Variants in RNGTT observed in about 807,000 individuals in gnomAD.
The protein encoded by RNGTT is RNA guanylyltransferase and 5'-phosphatase, also known as mRNA-capping enzyme.
RNGTT carries 33 observed loss-of-function variants against 79.3 expected under a neutral mutation model. The ratio of observed to expected loss-of-function variants is 0.42; its 90% CI spans 0.32 to 0.56. The LOEUF (loss-of-function observed/expected upper bound fraction) is 0.56. Ranked by LOEUF, RNGTT falls within the 20% of genes least tolerant of loss-of-function variation. The probability of loss-of-function intolerance (pLI) is 0.17; values close to 1 mark genes in which losing one functional copy is unlikely to be tolerated. For synonymous variants in RNGTT, 222 were observed against 235.9 expected (o/e 0.94, Z 0.54); for missense variants, 497 against 739.1 (o/e 0.67, Z 3.80).
At chr6:88,884,958 G>A (rs1396544289) in intron 8 of RNGTT, among the ~76,000 whole-genome samples, 1 of 152,018 alleles carries the variant, frequency 6.6e-6, no homozygotes, top group Non-Finnish European at 1.5e-5. Flanking sequence ...AGAGAGAGGA[G>A]TTACAAATAG....
At chr6:88,849,719 G>T (rs752744574) in intron 10 of RNGTT, 36 bp downstream of exon 10, 54 of 1,470,928 alleles carry the variant, frequency 3.7e-5, no homozygotes, top group Non-Finnish European at 4.8e-5. Context: ...CATTATTTCA[G>T]TAATAACTTG....
chr6:88,840,405 T>A (rs190190328), intron 11 of RNGTT, among the ~76,000 whole-genome samples: 155 of 152,304 alleles, frequency 1.0e-3, no homozygotes, highest in African/African-American at 3.7e-3. Context: ...TTTTATTATT[T>A]ATTTATTTCG....
chr6:88,750,205 A>C (rs1777795708), intron 13 of RNGTT, among the ~76,000 whole-genome samples: 1 of 152,110 alleles, frequency 6.6e-6, no homozygotes. Context: ...AACCCACTAC[A>C]CCAGGCAAAT....
intron 1 of RNGTT, among the ~76,000 whole-genome samples, chr6:88,952,997 C>T (rs544705804): frequency 4.6e-5 from 7 of 152,288 alleles, no homozygotes; most frequent in Admixed American, 2.6e-4. Context: ...GACCTTTCCA[C>T]TGAAACAGTC....
At chr6:88,955,216 G>A (rs752725608) in intron 1 of RNGTT, among the ~76,000 whole-genome samples, 12 of 151,906 alleles carry the variant, frequency 7.9e-5, no homozygotes, top group Non-Finnish European at 1.5e-4. Flanking sequence ...AAACCTCTGA[G>A]ACACAGCAAA....
At chr6:88,864,833 C>A (rs1395200848) in intron 8 of RNGTT, among the ~76,000 whole-genome samples, 3 of 152,104 alleles carry the variant, frequency 2.0e-5, no homozygotes, top group African/African-American at 4.8e-5. Context: ...TGAAATTAGC[C>A]AGTCACAACT....
At chr6:88,886,106 C>T (rs142158484) in intron 8 of RNGTT, among the ~76,000 whole-genome samples, 8 of 152,250 alleles carry the variant, frequency 5.3e-5, no homozygotes, top group African/African-American at 1.7e-4. Flanking sequence ...GAGATCGAGA[C>T]CATCCTGGCT....
intron 12 of RNGTT, among the ~76,000 whole-genome samples, chr6:88,794,813 G>A (rs1779539990): frequency 6.6e-6 from 1 of 152,210 alleles, no homozygotes; most frequent in Non-Finnish European, 1.5e-5. Context: ...CAAGAGAAAA[G>A]ATAGAAAAAG....
chr6:88,623,260 A>C (rs1294609075), intron 14 of RNGTT, among the ~76,000 whole-genome samples: 2 of 152,142 alleles, frequency 1.3e-5, no homozygotes, highest in African/African-American at 4.8e-5. Context: ...AATGGAAATA[A>C]TGTCTCTACA....
At chr6:88,725,864 G>A (rs933525304) in intron 13 of RNGTT, among the ~76,000 whole-genome samples, 5 of 152,050 alleles carry the variant, frequency 3.3e-5, no homozygotes, top group African/African-American at 1.2e-4. Context: ...GGCTGGCACA[G>A]GCAGGGAAAG....
At chr6:88,800,332 C>T (rs1407404497) in intron 12 of RNGTT, among the ~76,000 whole-genome samples, 2 of 152,120 alleles carry the variant, frequency 1.3e-5, no homozygotes, top group African/African-American at 4.8e-5. Context: ...TTCCTTTGAG[C>T]ATCATGCTGG....
At chr6:88,834,511 T>C (rs1338680840) in intron 11 of RNGTT, among the ~76,000 whole-genome samples, 1 of 152,214 alleles carries the variant, frequency 6.6e-6, no homozygotes, top group Non-Finnish European at 1.5e-5. Flanking sequence ...CAAAATGCAG[T>C]TGCACCATTA....
At chr6:88,870,357 A>G (rs1310024123) in intron 8 of RNGTT, among the ~76,000 whole-genome samples, 1 of 152,128 alleles carries the variant, frequency 6.6e-6, no homozygotes, top group Non-Finnish European at 1.5e-5. Context: ...TCATTAGGGC[A>G]CATATATAAA....
intron 14 of RNGTT, among the ~76,000 whole-genome samples, chr6:88,643,349 T>C (rs1773399367): frequency 1.3e-5 from 2 of 152,260 alleles, no homozygotes; most frequent in African/African-American, 2.4e-5. Context: ...TTCTACTGAA[T>C]GTATATTACT....
In RNGTT at chr6:88,853,660, C is replaced by T. The variant is rs781242185; in HGVS notation, c.1001G>A (p.Arg334His). The T allele has an allele frequency of 3.1e-5, 50 of 1,595,898 alleles. No homozygotes were observed. Among genetic ancestry groups the T allele is most frequent in the African/African-American group, 9.5e-5 (7 of 73,980 alleles). ...NLEFPFRKDL[R>H]MHLSNTLLDG... ...CAAGAGAGTATTTGATAAATGCATA[C>T]GAAGATCTTTACGAAATGGAAATTC... The change falls in exon 9 of 16, where the codon CGT becomes CAT. Residue 334 changes from arginine to histidine, a missense_variant. Arg to His is a conservative substitution (Grantham distance 29). Transcript: ENST00000369485.
chr6:88,767,678 CAAAAAAAAAAAAAA>C lies in RNGTT; in HGVS notation c.1439+2082_1439+2095del, dbSNP rs58712575. 2.5e-4 allele frequency among the ~76,000 whole-genome samples: 21 copies of C among 83,510 alleles called. No homozygotes were observed. In the East Asian group the frequency reaches 3.8e-3, roughly 15 times the overall value. 54.8% of individuals were successfully genotyped at this position (83,510 alleles called of 152,430 possible). ...TTCGAAGAACTATATTCACTTGTGT[CAAAAAAAAAAAAAA>C]AAAAAAAAAAAACAGCGTAGCCCCA... On this transcript the variant is annotated intron_variant, in intron 13 of 15. Coordinates refer to ENST00000369485, the MANE Select transcript of RNGTT (RefSeq NM_003800.5).
chr6:88,873,207 A>T (rs1782410208), intron 8 of RNGTT, among the ~76,000 whole-genome samples: 1 of 152,210 alleles, frequency 6.6e-6, no homozygotes, highest in South Asian at 2.1e-4. Flanking sequence ...GGAGCTTCCA[A>T]GCAGCTTCTC....
chr6:88,803,532 G>C (rs1338286101), intron 11 of RNGTT, among the ~76,000 whole-genome samples: 1 of 143,560 alleles, frequency 7.0e-6, no homozygotes, highest in Non-Finnish European at 1.5e-5. Flanking sequence ...AGCCAAGATT[G>C]TGCCACTGCA....
chr6:88,674,749 GA>G (rs34754470), intron 14 of RNGTT, among the ~76,000 whole-genome samples: 6 of 149,044 alleles, frequency 4.0e-5, no homozygotes, highest in South Asian at 2.1e-4. Flanking sequence ...AAACAAATGT[GA>G]AAAAAAAAAT....
Sources: allele counts gnomAD v4.1 joint callset (sites outside exome capture counted in the v4.1 genomes callset), GRCh38; gene constraint gnomAD v4.1.1; transcripts MANE v1.5; gene names NCBI Gene and HGNC (gene_info 2026-07-23, HGNC 2026-07-21).